The following BTBD9 variants were observed in gnomAD, a reference collection of about 807,000 sequenced individuals.
BTBD9 encodes BTB/POZ domain-containing protein 9.
A neutral mutation model predicts 64.3 loss-of-function variants in BTBD9; 49 were observed. That is an observed-to-expected ratio of 0.76 (90% CI 0.61 to 0.97). The LOEUF (loss-of-function observed/expected upper bound fraction) is 0.97. BTBD9 is among the 50% of genes least tolerant of loss of function. The pLI is 0.00. For missense variants in BTBD9, 598 were observed against 762.1 expected, an observed-to-expected ratio of 0.78 and a Z score of 2.53; for synonymous variants, 260 against 274.7, an observed-to-expected ratio of 0.95 and a Z score of 0.53.
At chr6:38,328,763 T>C (rs996862848) in intron 7 of BTBD9, among the ~76,000 whole-genome samples, 5 of 151,870 alleles carry the variant, frequency 3.3e-5, no homozygotes, top group African/African-American at 7.3e-5. Flanking sequence ...CTGGCTAACA[T>C]GGTGAAACCC....
At chr6:38,576,321 C>G (rs901078150) in intron 6 of BTBD9, among the ~76,000 whole-genome samples, 8 of 152,004 alleles carry the variant, frequency 5.3e-5, no homozygotes, top group Admixed American at 6.6e-5. Context: ...CCATTCAAAA[C>G]TCCTCTGATA....
intron 7 of BTBD9, among the ~76,000 whole-genome samples, chr6:38,307,136 C>A (rs1762655192): frequency 6.6e-6 from 1 of 152,198 alleles, no homozygotes; most frequent in Admixed American, 6.5e-5. Flanking sequence ...CAGGCCTACA[C>A]AGGAATTTGT....
intron 6 of BTBD9, among the ~76,000 whole-genome samples, chr6:38,473,963 A>C (rs190210670): frequency 7.0e-4 from 107 of 152,278 alleles, no homozygotes; most frequent in African/African-American, 2.5e-3. Flanking sequence ...GGAAACCCTA[A>C]GATAGGAAAG....
In BTBD9 at chr6:38,319,718, G is replaced by A. The variant is rs535614648; in HGVS notation, c.1264+25266C>T. On this transcript the variant is annotated intron_variant, in intron 7 of 10. Transcript: ENST00000481247. ...TCTCCTCTCCTCAAGCAGAAGAAAA[G>A]GGTCACTTTCATTGCTGTGAGCTGT... Among the ~76,000 whole-genome samples the A allele has an allele frequency of 1.1e-3, 163 of 151,794 alleles. 1 individual carries two copies. The highest frequency in any genetic ancestry group is 3.8e-3 in the African/African-American group (156 of 41,416).
Position 38,580,209 on chromosome 6 carries a change from A to G in BTBD9, c.1034+9T>C, listed in dbSNP as rs761909692. On this transcript the variant is annotated intron_variant, in intron 5 of 10. Coordinates refer to ENST00000481247, the MANE Select transcript of BTBD9 (RefSeq NM_001099272.2). ...TAATGTCAGTTTCTAAGTCATGCTA[A>G]TCACTTACCGGCTATCTCGGTCCCA... 28 of 1,610,648 alleles carry G rather than the reference A, an allele frequency of 1.7e-5. No homozygotes were observed. Among genetic ancestry groups the G allele is most frequent in the Non-Finnish European group, 2.3e-5 (27 of 1,177,032 alleles).
At chr6:38,257,831 A>G (rs1298953125) in intron 8 of BTBD9, among the ~76,000 whole-genome samples, 2 of 152,146 alleles carry the variant, frequency 1.3e-5, no homozygotes, top group African/African-American at 4.8e-5. Context: ...CGACTAGGAA[A>G]GGGTAAAAGG....
At chr6:38,505,066 T>C (rs1049058567) in intron 6 of BTBD9, among the ~76,000 whole-genome samples, 3 of 152,242 alleles carry the variant, frequency 2.0e-5, no homozygotes, top group Non-Finnish European at 4.4e-5. Context: ...CAGCTTCCAC[T>C]ATACTACCTT....
intron 6 of BTBD9, among the ~76,000 whole-genome samples, chr6:38,427,463 G>A (rs891773787): frequency 2.0e-5 from 3 of 152,022 alleles, no homozygotes; most frequent in Non-Finnish European, 4.4e-5. Context: ...CTGGAGCTGA[G>A]AAAAGTACGC....
At chr6:38,368,313 G>A (rs531539483) in intron 6 of BTBD9, among the ~76,000 whole-genome samples, 6 of 152,128 alleles carry the variant, frequency 3.9e-5, no homozygotes, top group East Asian at 3.9e-4. Context: ...TGATGCATGC[G>A]CTATACTAGA....
chr6:38,507,850 T>C (rs1270896057), intron 6 of BTBD9, among the ~76,000 whole-genome samples: 1 of 150,230 alleles, frequency 6.7e-6, no homozygotes, highest in Non-Finnish European at 1.5e-5. Context: ...TTTTTTTTTT[T>C]TGAGACGGAG....
At chr6:38,222,666 C>G (rs1225090240) in intron 9 of BTBD9, among the ~76,000 whole-genome samples, 1 of 152,086 alleles carries the variant, frequency 6.6e-6, no homozygotes, top group Non-Finnish European at 1.5e-5. Flanking sequence ...TCATCTCTGT[C>G]TCTCAAAAAC....
At chr6:38,384,608 A>T (rs1766075751) in intron 6 of BTBD9, among the ~76,000 whole-genome samples, 1 of 152,224 alleles carries the variant, frequency 6.6e-6, no homozygotes, top group Non-Finnish European at 1.5e-5. Flanking sequence ...TAAGAGTCAC[A>T]TAATAAGGAA....
intron 6 of BTBD9, among the ~76,000 whole-genome samples, chr6:38,365,079 G>T (rs533365758): frequency 6.6e-6 from 1 of 151,962 alleles, no homozygotes; most frequent in African/African-American, 2.4e-5. Context: ...ATGTTGAATG[G>T]TTTGTAATAA....
At chr6:38,618,657 TTCTC>T in intron 1 of BTBD9, among the ~76,000 whole-genome samples, 1 of 152,294 alleles carries the variant, frequency 6.6e-6, no homozygotes. Flanking sequence ...ATGTCCCCTT[TTCTC>T]TCTCTGATTT....
At chr6:38,388,945 T>C (rs979255830) in intron 6 of BTBD9, among the ~76,000 whole-genome samples, 1 of 152,210 alleles carries the variant, frequency 6.6e-6, no homozygotes, top group Non-Finnish European at 1.5e-5. Flanking sequence ...CCACAGGTTT[T>C]ATACTAGCAA....
At chr6:38,465,535 G>C (rs1770311491) in intron 6 of BTBD9, among the ~76,000 whole-genome samples, 1 of 148,062 alleles carries the variant, frequency 6.8e-6, no homozygotes, top group South Asian at 2.1e-4. Flanking sequence ...GGAGGCTGAG[G>C]CAGGAGAATG....
intron 10 of BTBD9, among the ~76,000 whole-genome samples, chr6:38,190,243 A>G: frequency 6.6e-6 from 1 of 151,836 alleles, no homozygotes; most frequent in Non-Finnish European, 1.5e-5. Context: ...AGGCAGGTGG[A>G]TCACCTGAGG....
chr6:38,321,302 A>G, intron 7 of BTBD9, among the ~76,000 whole-genome samples: 1 of 152,222 alleles, frequency 6.6e-6, no homozygotes, highest in Non-Finnish European at 1.5e-5. Flanking sequence ...GGGGAAAGGC[A>G]GGAGGGAGAA....
intron 9 of BTBD9, among the ~76,000 whole-genome samples, chr6:38,232,362 C>T (rs6935807): frequency 0.72 from 109,042 of 151,478 alleles, 39,539 homozygotes; most frequent in African/African-American, 0.77. Flanking sequence ...GCTCTGCCTC[C>T]CGGGTTCACG....
Sources: gnomAD v4.1 joint callset for allele counts (sites outside exome capture counted in the v4.1 genomes callset) on GRCh38, gnomAD v4.1.1 for gene constraint, MANE v1.5 for transcripts, NCBI Gene and HGNC (gene_info 2026-07-23, HGNC 2026-07-21) for gene names.